Variants in PATJ observed in about 807,000 individuals in gnomAD.
PATJ encodes inaD-like protein.
PATJ carries 190 observed loss-of-function variants against 224.9 expected under a neutral mutation model. The ratio of observed to expected loss-of-function variants is 0.84; its 90% CI spans 0.75 to 0.95. The LOEUF (loss-of-function observed/expected upper bound fraction) is 0.95, where lower values mean the gene tolerates loss of function less well. Among genes scored for constraint, PATJ ranks in the 40% least tolerant of loss-of-function variants. PATJ has a pLI of 0.00. For missense variants in PATJ, 2,121 were observed against 2,270.3 expected, an observed-to-expected ratio of 0.93 and a Z score of 1.34; for synonymous variants, 769 against 820.3, an observed-to-expected ratio of 0.94 and a Z score of 1.07.
At chr1:61,784,837 A>G (rs1198403502) in intron 7 of PATJ, among the ~76,000 whole-genome samples, 11 of 152,194 alleles carry the variant, frequency 7.2e-5, no homozygotes, top group Non-Finnish European at 2.9e-5. Context: ...TTAAAGTAGA[A>G]ATCCAGCAAT....
At chr1:62,084,779 T>C (rs1420960644) in intron 33 of PATJ, 131 bp downstream of exon 33, 5 of 901,584 alleles carry the variant, frequency 5.5e-6, no homozygotes, top group African/African-American at 3.4e-5. Flanking sequence ...TATAAATAGA[T>C]GTGCATCCAT....
chr1:62,042,925 G>A (rs1426133564), intron 30 of PATJ, among the ~76,000 whole-genome samples: 2 of 152,212 alleles, frequency 1.3e-5, no homozygotes, highest in Non-Finnish European at 2.9e-5. Flanking sequence ...GGGATTACAG[G>A]TGTGAGCTAC....
intron 21 of PATJ, 67 bp downstream of exon 21, chr1:61,875,433 T>C (rs1667220619): frequency 1.6e-6 from 2 of 1,250,200 alleles, no homozygotes; most frequent in East Asian, 2.5e-5. Flanking sequence ...TTTATGTTTG[T>C]ATACATGAAT....
intron 22 of PATJ, among the ~76,000 whole-genome samples, chr1:61,885,845 C>A (rs1434236845): frequency 6.6e-6 from 1 of 151,574 alleles, no homozygotes; most frequent in Non-Finnish European, 1.5e-5. Flanking sequence ...TATTATGCAG[C>A]CATAAAAAAT....
chr1:61,932,240 TA>T (rs1257464426), intron 27 of PATJ, among the ~76,000 whole-genome samples: 2 of 148,088 alleles, frequency 1.4e-5, no homozygotes, highest in Non-Finnish European at 3.0e-5. Context: ...CATTTGCATT[TA>T]GAATTAGTTT....
intron 32 of PATJ, among the ~76,000 whole-genome samples, chr1:62,082,317 C>T (rs1570502520): frequency 6.6e-6 from 1 of 152,212 alleles, no homozygotes; most frequent in East Asian, 1.9e-4. Flanking sequence ...CTGGGCCGGG[C>T]ACCTCACACA....
chr1:61,787,913 C>G lies in PATJ; in HGVS notation c.1009C>G (p.Pro337Ala), dbSNP rs375166848. Residue 337 changes from proline to alanine, a missense_variant, in exon 8 of 44, where the codon CCT (proline) becomes GCT (alanine). By Grantham distance (27) the Pro-to-Ala change is conservative. Coordinates refer to ENST00000642238, the MANE Select transcript of PATJ (RefSeq NM_001350145.3). ...DPAGDISVTP[P>A]APAALPVALP... ...AGCTGGTGACATTTCAGTCACCCCC[C>G]CTGCCCCTGCAGCCTTACCTGTTGC... is the stretch of plus-strand genomic sequence containing the variant. 3.3e-5 allele frequency: 53 copies of G among 1,614,060 alleles called. No individual in the cohort carries two copies. Among genetic ancestry groups the G allele is most frequent in the South Asian group, 1.8e-4 (16 of 91,074 alleles).
At position 61,835,840 on chromosome 1, in the gene PATJ, C is replaced by T. The variant is rs538709182; in HGVS notation, c.2112+2055C>T. Among the ~76,000 whole-genome samples, 5 of 152,216 alleles carry T rather than the reference C, an allele frequency of 3.3e-5. No homozygotes were observed. In the South Asian group the frequency reaches 1.0e-3, roughly 32 times the overall value. The stretch of plus-strand genomic sequence containing the variant: ...GATTTAATGGGAATTTGTTAATAAT[C>T]GATTTTGATAATTGGGATTTAATTT... On this transcript the variant is annotated intron_variant, in intron 17 of 43. Transcript: ENST00000642238.
At chr1:62,136,240 C>T (rs1187449034) in intron 41 of PATJ, among the ~76,000 whole-genome samples, 1 of 151,902 alleles carries the variant, frequency 6.6e-6, no homozygotes, top group East Asian at 1.9e-4. Flanking sequence ...CCATGTTGGT[C>T]AGGCTGGTTT....
In PATJ at chr1:62,013,423, C is replaced by T. The variant is rs560939042; in HGVS notation, c.3868-4433C>T. The T allele has an allele frequency of 2.8e-5, 28 of 985,328 alleles. No individual in the cohort carries two copies. The South Asian group carries it at 1.3e-3, about 46-fold the overall frequency. The allele number at this position is 985,328 out of a possible 1,614,324, so 61.0% of individuals were successfully genotyped here. A position where few individuals can be genotyped will look rare whatever the true frequency, so the allele number is the denominator to read the frequency against. ...ACCACTTCCATTCAGGACTGCAACTCAGCACATCCTCATTGAGGGCCACTA... is the reference window on the plus strand; with the variant it reads ...ACCACTTCCATTCAGGACTGCAACTTAGCACATCCTCATTGAGGGCCACTA... On this transcript the variant is annotated intron_variant, in intron 28 of 43. Transcript: ENST00000642238.
intron 29 of PATJ, among the ~76,000 whole-genome samples, chr1:62,033,973 C>T (rs887821338): frequency 1.3e-5 from 2 of 152,160 alleles, no homozygotes; most frequent in African/African-American, 4.8e-5. Context: ...TGAGGACACA[C>T]ATGCAGTGTT....
chr1:61,871,459 A>ATATATATGTACATACATATATATGCG (rs1666483527), intron 20 of PATJ, among the ~76,000 whole-genome samples: 1 of 56,002 alleles, frequency 1.8e-5, no homozygotes, highest in South Asian at 5.3e-4. Context: ...ATATATGCGT[A>ATATATATGTACATACATATATATGCG]TATATATGTA....
chr1:62,156,440 G>C (rs1428592294), intron 43 of PATJ, among the ~76,000 whole-genome samples: 1 of 151,828 alleles, frequency 6.6e-6, no homozygotes, highest in Non-Finnish European at 1.5e-5. Context: ...TGAGGCACGA[G>C]AATCACTTGA....
Position 62,080,187 on chromosome 1 carries a change from T to A in PATJ, c.4243+620T>A, listed in dbSNP as rs189475114. Among the ~76,000 whole-genome samples the A allele has an allele frequency of 3.6e-3, 554 of 152,336 alleles. 1 individual carries two copies. The highest frequency in any genetic ancestry group is 5.9e-3 in the Non-Finnish European group (398 of 68,030). On this transcript the variant is annotated intron_variant, in intron 32 of 43. Transcript: ENST00000642238. ...AACCCAATTTTTAGCCCTGCAAATG[T>A]TGCTTTAAGCTGTTTGAAGAATGTT... is the stretch of plus-strand genomic sequence containing the variant.
chr1:62,039,286 A>G (rs7539653), intron 30 of PATJ, among the ~76,000 whole-genome samples: 32,805 of 152,160 alleles, frequency 0.22, 3,848 homozygotes, highest in Non-Finnish European at 0.26. Context: ...GACCTATCAA[A>G]ATATTAGTAA....
chr1:62,054,110 A>T (rs964356491), intron 31 of PATJ, among the ~76,000 whole-genome samples: 6 of 151,994 alleles, frequency 3.9e-5, no homozygotes, highest in African/African-American at 7.2e-5. Context: ...CATAAATGTC[A>T]TTGTCTTGTA....
Position 62,073,302 on chromosome 1 carries a change from G to C in PATJ, c.4126-6148G>C, listed in dbSNP as rs141017325. 2.9e-5 allele frequency: 29 copies of C among 985,232 alleles called. 1 individual carries two copies. The highest frequency in any genetic ancestry group is 2.6e-4 in the African/African-American group (15 of 57,270). 61.0% of individuals were successfully genotyped at this position (985,232 alleles called of 1,614,324 possible). A position where few individuals can be genotyped will look rare whatever the true frequency, so the allele number is the denominator to read the frequency against. On this transcript the variant is annotated intron_variant, in intron 31 of 43. Coordinates refer to ENST00000642238, the MANE Select transcript of PATJ (RefSeq NM_001350145.3). ...GCAAATATCTTGTGTTCACCTCTCT[G>C]TCCCAACCCCCTAAACAGATGCTTA...
intron 25 of PATJ, among the ~76,000 whole-genome samples, chr1:61,912,881 A>G (rs181676731): frequency 1.3e-5 from 2 of 152,250 alleles, no homozygotes; most frequent in East Asian, 3.9e-4. Flanking sequence ...TTTGTTTAAG[A>G]TTCTTCAGGA....
intron 4 of PATJ, among the ~76,000 whole-genome samples, chr1:61,768,472 A>AAATAAATAAAT (rs1557608338): frequency 4.6e-4 from 68 of 149,414 alleles, no homozygotes; most frequent in African/African-American, 1.4e-3. Context: ...TCCGTCTCAA[A>AAATAAATAAAT]AAATAAATAA....
Sources: allele counts gnomAD v4.1 joint callset (sites outside exome capture counted in the v4.1 genomes callset), GRCh38; gene constraint gnomAD v4.1.1; transcripts MANE v1.5; gene names NCBI Gene and HGNC (gene_info 2026-07-23, HGNC 2026-07-21).